The following TTN variants were observed in gnomAD, a reference collection of about 807,000 sequenced individuals.
TTN encodes the protein titin.
A neutral mutation model predicts 3,223.0 loss-of-function variants in TTN; 1,525 were observed. That is an observed-to-expected ratio of 0.47 (90% confidence interval 0.45 to 0.49). TTN has a LOEUF of 0.49. TTN is among the 20% of genes least tolerant of loss of function. The probability of loss-of-function intolerance (pLI) is 0.00; values close to 1 mark genes in which losing one functional copy is unlikely to be tolerated. For synonymous variants in TTN, 14,094 were observed against 15,161.0 expected (o/e 0.93, Z 5.17); for missense variants, 40,786 against 43,424.0 (o/e 0.94, Z 5.40).
At position 178,560,022 on chromosome 2, in the gene TTN, T is replaced by C; in HGVS notation, c.86110A>G (p.Ser28704Gly). The part of the protein sequence containing the change: ...DDTDWKTSIQ[S>G]LRGTEYTISG... ...ATTGTATATTCTGTCCCTCGTAAGC[T>C]CTGAATGGAAGTTTTCCAGTCAGTG... The change falls in exon 326 of 363, where the codon AGC (serine) becomes GGC (glycine). Residue 28704 changes from serine (S) to glycine (G), a missense_variant. Ser to Gly is a moderately conservative substitution (Grantham distance 56). Transcript: ENST00000589042. 2.5e-6 allele frequency: 4 copies of C among 1,613,742 alleles called. No homozygotes were observed. Among genetic ancestry groups the C allele is most frequent in the Non-Finnish European group, 3.4e-6 (4 of 1,179,808 alleles).
At position 178,586,802 on chromosome 2, in the gene TTN, GC is replaced by G. The variant is rs1576018303; in HGVS notation, c.64098del (p.Glu21366AspfsTer8). The G allele has an allele frequency of 3.7e-6, 6 of 1,609,254 alleles. No individual in the cohort carries two copies. Among genetic ancestry groups the G allele is most frequent in the Non-Finnish European group, 5.1e-6 (6 of 1,178,534 alleles). On this transcript the variant is annotated frameshift_variant, in exon 308 of 363. Transcript: ENST00000589042. LOFTEE classifies it high-confidence loss of function. ...ACTTCTAATTTCCTTGGGGGATCCG[GC>G]TCACCTAGAAGAAAAACATAATTTA... ...KPVLASDPLSEPDPPRKLEVT... is the reference protein window; with the variant it reads ...KPVLASDPLSXPDPPRKLEVT...
Position 178,634,694 on chromosome 2 carries a change from C to A in TTN, c.42151+29G>T, listed in dbSNP as rs747270918. On this transcript the variant is annotated intron_variant, in intron 229 of 362. Coordinates refer to ENST00000589042, the MANE Select transcript of TTN (RefSeq NM_001267550.2). The surrounding 1 kb of genome is among the most constrained non-coding windows in gnomAD (Gnocchi z 4.6). ...ACAGGGAAGTGAAATAAAGTTGAGA[C>A]CCCTCCCCAAATTCTAAAAGCCCCA... 3 of 1,612,228 alleles carry A rather than the reference C, an allele frequency of 1.9e-6. No individual in the cohort carries two copies. The highest frequency in any genetic ancestry group is 1.3e-5 in the African/African-American group (1 of 74,682).
intron 321 of TTN, 146 bp from the exon 322 acceptor site, chr2:178,578,331 G>C: frequency 1.3e-6 from 1 of 792,438 alleles, no homozygotes; most frequent in Non-Finnish European, 1.9e-6. Flanking sequence ...CCCAAGCATA[G>C]TGCCATTTTT....
rs759901950 is a variant in TTN at position 178,608,067 on chromosome 2, G to A, written c.52720C>T (p.Pro17574Ser). The A allele has an allele frequency of 1.2e-6, 2 of 1,612,334 alleles. No homozygotes were observed. Among genetic ancestry groups the A allele is most frequent in the African/African-American group, 1.3e-5 (1 of 74,958 alleles). Residue 17574 changes from proline to serine, a missense_variant, in exon 276 of 363, where the codon CCT becomes TCT. Physicochemically the swap from Pro to Ser is moderately conservative, Grantham distance 74 (BLOSUM62 -1). Coordinates refer to ENST00000589042, the MANE Select transcript of TTN (RefSeq NM_001267550.2). ...CTTGTGTCAGTGACTCTTGGGATAG[G>A]TGGCCCAGGAGGAGCTAGAATGAAT... is the stretch of plus-strand genomic sequence containing the variant. The part of the protein sequence containing the change: ...AHDPISPPGP[P>S]IPRVTDTSST...
chr2:178,731,907 C>T lies in TTN; in HGVS notation c.16968G>A (p.Leu5656=). 1 of 1,613,678 alleles carries T rather than the reference C, an allele frequency of 6.2e-7. No homozygotes were observed. Among genetic ancestry groups the T allele is most frequent in the Non-Finnish European group, 8.5e-7 (1 of 1,179,720 alleles). The change falls in exon 58 of 363, where the codon TTG becomes TTA. Residue 5656 remains leucine (L), a synonymous_variant. Transcript: ENST00000589042. ...IEVLKEYDVM[L]LAEVAGTPPF... is the part of the protein sequence containing the mutation. ...GAGGAGTGCCTGCCACCTCAGCCAG[C>T]AACATGACATCGTACTCCTTTAAGA...
chr2:178,531,578 G>A lies in TTN; in HGVS notation c.105037C>T (p.Arg35013Cys), dbSNP rs568460311. The A allele has an allele frequency of 3.7e-5, 59 of 1,613,936 alleles. No individual in the cohort carries two copies. Among genetic ancestry groups the A allele is most frequent in the East Asian group, 2.2e-4 (10 of 44,868 alleles). ...DCHTDDSGTYRAVCTNYKGEA... is the reference protein window; with the variant it reads ...DCHTDDSGTYCAVCTNYKGEA... ...CCCTTGTAGTTGGTGCACACAGCAC[G>A]GTAGGTTCCACTGTCATCAGTATGA... The change falls in exon 358 of 363, where the codon CGT becomes TGT. Residue 35013 changes from arginine (R) to cysteine (C), a missense_variant. Arg to Cys is a radical substitution (Grantham distance 180). Coordinates refer to ENST00000589042, the MANE Select transcript of TTN (RefSeq NM_001267550.2).
chr2:178,714,765 G>T (rs1198076996), intron 90 of TTN, among the ~76,000 whole-genome samples, 192 bp from the exon 91 acceptor site: 1 of 152,092 alleles, frequency 6.6e-6, no homozygotes, highest in Non-Finnish European at 1.5e-5. Flanking sequence ...ATCTACTCCA[G>T]CTTTCTTAAT....
chr2:178,732,690 G>A lies in TTN; in HGVS notation c.16371C>T (p.Gly5457=). Residue 5457 remains glycine, a synonymous_variant, in exon 56 of 363, where the codon GGC becomes GGT. Coordinates refer to ENST00000589042, the MANE Select transcript of TTN (RefSeq NM_001267550.2). ...QEPPSFVTKP[G]SKDVLPGSAV... The stretch of plus-strand genomic sequence containing the variant: ...CTGAGCCAGGCAGAACATCCTTTGA[G>A]CCGGGTTTAGTTACAAAACTGGGTG... 6.2e-7 allele frequency: 1 copy of A among 1,600,212 alleles called. No homozygotes were observed.
At position 178,612,393 on chromosome 2, in the gene TTN, G is replaced by C; in HGVS notation, c.50132C>G (p.Thr16711Arg). The change falls in exon 266 of 363, where the codon ACA becomes AGA. Residue 16711 changes from threonine (T) to arginine (R), a missense_variant. Coordinates refer to ENST00000589042, the MANE Select transcript of TTN (RefSeq NM_001267550.2). ...AGAGCCCTCAGTCAGTGGGGTGACT[G>C]TGCACTTGGTGTCCTTGACAGTGGT... ...VDTTVKDTKC[T>R]VTPLTEGSLY... 6.2e-7 allele frequency: 1 copy of C among 1,612,524 alleles called. No individual in the cohort carries two copies. The highest frequency in any genetic ancestry group is 8.5e-7 in the Non-Finnish European group (1 of 1,179,196).
Position 178,620,980 on chromosome 2 carries a change from G to C in TTN, c.45630C>G (p.Ile15210Met). 2 of 1,609,818 alleles carry C rather than the reference G, an allele frequency of 1.2e-6. No individual in the cohort carries two copies. The highest frequency in any genetic ancestry group is 1.7e-6 in the Non-Finnish European group (2 of 1,178,558). ...AHLTVIEKLR[I>M]VVPLKDTRVK... is the part of the protein sequence containing the mutation. ...CCCGGGTGTCCTTAAGAGGAACTAC[G>C]ATCCTGAGTTTTTCTGAAAGCAACC... Residue 15210 changes from isoleucine to methionine, a missense_variant, in exon 247 of 363, where the codon ATC (isoleucine) becomes ATG (methionine). Transcript: ENST00000589042.
At chr2:178,541,781 T>TA (rs1432186413) in intron 349 of TTN, 197 bp from the exon 350 acceptor site, 3 of 331,376 alleles carry the variant, frequency 9.1e-6, no homozygotes, top group Non-Finnish European at 1.5e-5. Context: ...TTATTTTTAT[T>TA]AAAAATTTTT....
chr2:178,645,809 G>C (rs2061843465), intron 217 of TTN, 111 bp downstream of exon 217: 3 of 627,448 alleles, frequency 4.8e-6, no homozygotes, highest in Non-Finnish European at 7.8e-6. Flanking sequence ...GTACAATCAT[G>C]TCTGAAAGTA....
Position 178,604,914 on chromosome 2 carries a change from CAG to C in TTN, c.54191-18_54191-17del, listed in dbSNP as rs745327265. The C allele has an allele frequency of 1.9e-6, 3 of 1,606,938 alleles. No individual in the cohort carries two copies. Among genetic ancestry groups the C allele is most frequent in the East Asian group, 2.2e-5 (1 of 44,602 alleles). On this transcript the variant is annotated splice_polypyrimidine_tract_variant and intron_variant, in intron 280 of 362. Coordinates refer to ENST00000589042, the MANE Select transcript of TTN (RefSeq NM_001267550.2). ...GATGGGCGGTCTGGAAAGGAATCAACAGAGAATATTGAGAAGGCAATTCTTAA... is the reference window on the plus strand; with the variant it reads ...GATGGGCGGTCTGGAAAGGAATCAACAGAATATTGAGAAGGCAATTCTTAA...
intron 3 of TTN, among the ~76,000 whole-genome samples, chr2:178,800,964 T>A (rs1256783551): frequency 1.3e-5 from 2 of 152,218 alleles, no homozygotes; most frequent in Admixed American, 1.3e-4. Context: ...AAGCTCTAGA[T>A]TTTGTTATAA....
At position 178,712,297 on chromosome 2, in the gene TTN, T is replaced by A. The variant is rs1265654888; in HGVS notation, c.27607+18A>T. ...CATCGATTGTATACAAAGATAAAAA[T>A]GTGCAATCATGACAAACCTAGTATG... On this transcript the variant is annotated intron_variant, in intron 95 of 362. Transcript: ENST00000589042. 2 of 1,609,886 alleles carry A rather than the reference T, an allele frequency of 1.2e-6. No homozygotes were observed. The highest frequency in any genetic ancestry group is 4.5e-5 in the East Asian group (2 of 44,806).
intron 13 of TTN, among the ~76,000 whole-genome samples, chr2:178,787,842 C>T (rs150881098): frequency 1.3e-3 from 198 of 152,042 alleles, no homozygotes; most frequent in Non-Finnish European, 2.2e-3. Context: ...TGCTGGTAAC[C>T]GCTTTTATTT....
chr2:178,651,221 G>T lies in TTN; in HGVS notation c.39625+22C>A, dbSNP rs768106232. 9 of 1,600,090 alleles carry T rather than the reference G, an allele frequency of 5.6e-6. No individual in the cohort carries two copies. In the South Asian group the frequency reaches 7.8e-5, roughly 14 times the overall value. ...AGACAAGGGTGAGTGCTTTTCTGCA[G>T]AATCTCATTAGTGACATGTACCTTT... On this transcript the variant is annotated intron_variant, in intron 208 of 362. Transcript: ENST00000589042.
intron 29 of TTN, 171 bp from the exon 30 acceptor site, chr2:178,774,644 T>A (rs1171348275): frequency 1.1e-5 from 8 of 707,024 alleles, no homozygotes; most frequent in Non-Finnish European, 1.6e-5. Flanking sequence ...AAGCAGTTAT[T>A]TTATTTTAAT....
At chr2:178,625,226 A>G (rs1341343573) in intron 241 of TTN, 47 bp downstream of exon 241, 2 of 1,586,406 alleles carry the variant, frequency 1.3e-6, no homozygotes, top group Non-Finnish European at 1.7e-6. Context: ...GGCATTGTTC[A>G]TGAGCCTCTG....
Sources: allele counts gnomAD v4.1 joint callset (sites outside exome capture counted in the v4.1 genomes callset), GRCh38; gene constraint gnomAD v4.1.1; non-coding constraint Gnocchi (gnomAD v3.1); transcripts MANE v1.5; gene names NCBI Gene and HGNC (gene_info 2026-07-23, HGNC 2026-07-21).